The following ZHX1 variants were observed in gnomAD, a reference collection of about 807,000 sequenced individuals.
ZHX1 encodes zinc fingers and homeoboxes 1, also known as zinc fingers and homeoboxes protein 1.
A neutral mutation model predicts 61.8 loss-of-function variants in ZHX1; 20 were observed. The ratio of observed to expected loss-of-function variants is 0.32; its 90% CI spans 0.23 to 0.47. The LOEUF is 0.47. Among genes scored for constraint, ZHX1 ranks in the 20% least tolerant of loss-of-function variants. The pLI is 1.00. For synonymous variants in ZHX1, 318 were observed against 352.6 expected (o/e 0.90, Z 1.10); for missense variants, 800 against 1,034.8 (o/e 0.77, Z 3.11).
chr8:123,259,416 T>C lies in ZHX1; in HGVS notation c.-225-3245A>G, dbSNP rs561327180. 1.1e-4 allele frequency among the ~76,000 whole-genome samples: 16 copies of C among 152,280 alleles called. No individual in the cohort carries two copies. The East Asian group carries it at 2.7e-3, about 26-fold the overall frequency. On this transcript the variant is annotated intron_variant, in intron 2 of 3. Transcript: ENST00000395571. ...TTTTTTCAAGTATCAACACAGATGT[T>C]TGATCATTTTTTGTCATTAGAAACA... is the stretch of plus-strand genomic sequence containing the variant.
In ZHX1 at chr8:123,254,366, G is replaced by C. The variant is rs1463530965; in HGVS notation, c.1581C>G (p.Cys527Trp). The C allele has an allele frequency of 6.2e-7, 1 of 1,614,072 alleles. No homozygotes were observed. Among genetic ancestry groups the C allele is most frequent in the Non-Finnish European group, 8.5e-7 (1 of 1,179,982 alleles). ...YNQRNSKSNQ[C>W]LHLNNDSSTT... ...TAGAGGAATCATTGTTGAGATGTAA[G>C]CACTGATTACTCTTTGAATTTCTCT... Residue 527 changes from cysteine (C) to tryptophan (W), a missense_variant, in exon 3 of 4, where the codon TGC becomes TGG. By Grantham distance (215) the Cys-to-Trp change is radical (BLOSUM62 -2). Coordinates refer to ENST00000395571, the MANE Select transcript of ZHX1 (RefSeq NM_007222.5). The surrounding 1 kb of genome is among the most constrained non-coding windows in gnomAD (Gnocchi z 4.1).
Position 123,253,925 on chromosome 8 carries a change from C to G in ZHX1, c.2022G>C (p.Met674Ile). The change falls in exon 3 of 4, where the codon ATG becomes ATC. Residue 674 changes from methionine to isoleucine, a missense_variant. By Grantham distance (10) the Met-to-Ile change is conservative (BLOSUM62 1). Coordinates refer to ENST00000395571, the MANE Select transcript of ZHX1 (RefSeq NM_007222.5). ...GTGTCCGGACAAATGCACTCTTAAGCATGTGCAGCTGCTCAGGTGTTTTTT... is the reference window on the plus strand; with the variant it reads ...GTGTCCGGACAAATGCACTCTTAAGGATGTGCAGCTGCTCAGGTGTTTTTT... ...ICKKTPEQLH[M>I]LKSAFVRTQW... 2 of 1,614,234 alleles carry G rather than the reference C, an allele frequency of 1.2e-6. No homozygotes were observed. Among genetic ancestry groups the G allele is most frequent in the Non-Finnish European group, 1.7e-6 (2 of 1,180,044 alleles).
chr8:123,263,739 C>CA (rs1826361713), intron 2 of ZHX1, among the ~76,000 whole-genome samples: 1 of 151,852 alleles, frequency 6.6e-6, no homozygotes. Context: ...GAGACTGAGG[C>CA]AGGAGAATCA....
At position 123,266,604 on chromosome 8, in the gene ZHX1, T is replaced by G. The variant is rs7004155; in HGVS notation, c.-226+669A>C. Among the ~76,000 whole-genome samples the G allele has an allele frequency of 1.6e-3, 242 of 152,242 alleles. 1 individual carries two copies. Among genetic ancestry groups the G allele is most frequent in the African/African-American group, 5.7e-3 (238 of 41,548 alleles). On this transcript the variant is annotated intron_variant, in intron 2 of 3. Transcript: ENST00000395571. ...TTAATCAGATAAAATATAAAAACAA[T>G]TATGTACAAATACATTCAAATATAT...
intron 2 of ZHX1, among the ~76,000 whole-genome samples, chr8:123,265,828 AT>A (rs1222950938): frequency 1.3e-5 from 2 of 152,252 alleles, no homozygotes; most frequent in Admixed American, 1.3e-4. Flanking sequence ...CATCTAAGAA[AT>A]TGTGGTCAAA....
At chr8:123,259,453 A>G (rs1168127406) in intron 2 of ZHX1, among the ~76,000 whole-genome samples, 2 of 152,160 alleles carry the variant, frequency 1.3e-5, no homozygotes, top group African/African-American at 4.8e-5. Context: ...GGAATTCCTT[A>G]AATGGCTCCA....
Position 123,249,556 on chromosome 8 carries a change from T to C in ZHX1, c.*768A>G, listed in dbSNP as rs938577800. 6 of 152,172 alleles carry C rather than the reference T, an allele frequency of 3.9e-5. No homozygotes were observed. The highest frequency in any genetic ancestry group is 1.4e-4 in the African/African-American group (6 of 41,456). 9.4% of individuals were successfully genotyped at this position (152,172 alleles called of 1,614,324 possible). A position where few individuals can be genotyped will look rare whatever the true frequency, so the allele number is the denominator to read the frequency against. ...GTATTTATTTCAAAGCTTCACCCTA[T>C]CCAAATTACCATGTCAGTTTCTTTT... On this transcript the variant is annotated 3_prime_UTR_variant, in exon 4 of 4. Transcript: ENST00000395571.
upstream of ZHX1, chr8:123,274,443 G>C (rs1467842845): frequency 6.6e-6 from 1 of 152,180 alleles, no homozygotes; most frequent in Non-Finnish European, 1.5e-5. Context: ...GGCGGAGGGG[G>C]AAGGGAGAGA....
In ZHX1 at chr8:123,253,174, C is replaced by T. The variant is rs116166065; in HGVS notation, c.*3+148G>A. ...CACATGATAATCATTTATCTCTTAG[C>T]TATACTAGTGGTACCTAGTCTTATT... On this transcript the variant is annotated intron_variant, in intron 3 of 3. Coordinates refer to ENST00000395571, the MANE Select transcript of ZHX1 (RefSeq NM_007222.5). 1.8e-3 allele frequency: 1,042 copies of T among 565,912 alleles called. 5 individuals carry two copies. The highest frequency in any genetic ancestry group is 0.016 in the African/African-American group (870 of 52,752). The allele number at this position is 565,912 out of a possible 1,614,324, so 35.1% of individuals were successfully genotyped here.
intron 2 of ZHX1, among the ~76,000 whole-genome samples, chr8:123,259,458 G>A (rs1356000025): frequency 6.6e-6 from 1 of 151,744 alleles, no homozygotes; most frequent in Non-Finnish European, 1.5e-5. Flanking sequence ...TCCTTAAATG[G>A]CTCCAAATAA....
At chr8:123,274,781 G>A (rs529976561), upstream of ZHX1, among the ~76,000 whole-genome samples, 1 of 152,282 alleles carries the variant, frequency 6.6e-6, no homozygotes, top group Non-Finnish European at 1.5e-5. Flanking sequence ...AGGCAGCCCC[G>A]CCTTCCTTGC....
upstream of ZHX1, among the ~76,000 whole-genome samples, chr8:123,274,911 C>G (rs933238151): frequency 6.6e-6 from 1 of 152,280 alleles, no homozygotes; most frequent in East Asian, 1.9e-4. Context: ...CCCCGCCCCT[C>G]GGGGGGCTGC....
chr8:123,250,639 T>C (rs1209511342), intron 3 of ZHX1, among the ~76,000 whole-genome samples: 1 of 152,230 alleles, frequency 6.6e-6, no homozygotes, highest in Admixed American at 6.5e-5. Flanking sequence ...CTTTTTTCTA[T>C]TTCTATACAA....
chr8:123,270,890 T>G lies in ZHX1; in HGVS notation c.-340+3327A>C, dbSNP rs547438527. Among the ~76,000 whole-genome samples the G allele has an allele frequency of 2.0e-5, 3 of 152,314 alleles. No homozygotes were observed. In the South Asian group the frequency reaches 6.2e-4, roughly 32 times the overall value. On this transcript the variant is annotated intron_variant, in intron 1 of 3. Transcript: ENST00000395571. ...TACAAAGTATATCATCACATTTGTT[T>G]AGACCAAAGGTATACAGTCTTACCT... is the stretch of plus-strand genomic sequence containing the variant.
At chr8:123,262,287 A>C (rs967985442) in intron 2 of ZHX1, among the ~76,000 whole-genome samples, 3 of 152,202 alleles carry the variant, frequency 2.0e-5, no homozygotes, top group African/African-American at 7.2e-5. Context: ...ACTGCCATTA[A>C]AATTGATAAT....
chr8:123,266,790 A>C (rs1826473411), intron 2 of ZHX1, among the ~76,000 whole-genome samples: 1 of 152,192 alleles, frequency 6.6e-6, no homozygotes, highest in Non-Finnish European at 1.5e-5. Context: ...TATAAGTAAG[A>C]GTATTTAATT....
In ZHX1 at chr8:123,256,041, C is replaced by A; in HGVS notation, c.-95G>T. 1 of 1,211,708 alleles carries A rather than the reference C, an allele frequency of 8.3e-7. No individual in the cohort carries two copies. The highest frequency in any genetic ancestry group is 1.1e-6 in the Non-Finnish European group (1 of 879,974). 75.1% of individuals were successfully genotyped at this position (1,211,708 alleles called of 1,614,324 possible). On this transcript the variant is annotated 5_prime_UTR_variant, in exon 3 of 4. The change creates a premature stop within an existing upstream ORF in the 5' untranslated region. Transcript: ENST00000395571. ...CATTTGAAAACAATGGCTTTTGGTT[C>A]TTCAAGTCCATTTTTGTGCTCAACA... is the stretch of plus-strand genomic sequence containing the variant.
chr8:123,263,798 C>A (rs1658956502), intron 2 of ZHX1, among the ~76,000 whole-genome samples: 1 of 151,752 alleles, frequency 6.6e-6, no homozygotes, highest in Admixed American at 6.6e-5. Flanking sequence ...CGCGCCACTG[C>A]ACTCCAGCCT....
intron 2 of ZHX1, among the ~76,000 whole-genome samples, chr8:123,259,714 T>A (rs536155856): frequency 1.3e-5 from 2 of 152,322 alleles, no homozygotes; most frequent in Non-Finnish European, 2.9e-5. Context: ...AGAGACTATA[T>A]TTAATTGGGG....
Sources: allele counts gnomAD v4.1 joint callset (sites outside exome capture counted in the v4.1 genomes callset), GRCh38; gene constraint gnomAD v4.1.1; non-coding constraint Gnocchi (gnomAD v3.1); transcripts MANE v1.5; gene names NCBI Gene and HGNC (gene_info 2026-07-23, HGNC 2026-07-21).